Variants in RABGAP1 observed in about 807,000 individuals in gnomAD.
The protein encoded by RABGAP1 is rab GTPase-activating protein 1.
Under a neutral mutation model 137.6 loss-of-function variants are expected in RABGAP1, and 23 were observed. The ratio of observed to expected loss-of-function variants is 0.17; its 90% CI spans 0.12 to 0.24. The LOEUF is 0.24. Among genes scored for constraint, RABGAP1 ranks in the 10% least tolerant of loss-of-function variants. The pLI is 1.00. For missense variants in RABGAP1, 906 were observed against 1,275.8 expected (o/e 0.71, Z 4.42); for synonymous variants, 451 against 450.7 (o/e 1.00, Z -0.01).
chr9:122,990,957 G>A (rs898420951), intron 6 of RABGAP1, among the ~76,000 whole-genome samples: 13 of 150,180 alleles, frequency 8.7e-5, no homozygotes, highest in Admixed American at 2.0e-4. Context: ...TTCAAGTCAA[G>A]TTTTCCCAGT....
chr9:123,025,839 CTT>C (rs1386375231), intron 13 of RABGAP1, among the ~76,000 whole-genome samples: 1 of 151,908 alleles, frequency 6.6e-6, no homozygotes, highest in African/African-American at 2.4e-5. Context: ...GGTTTTACCT[CTT>C]TTACAATGTT....
intron 25 of RABGAP1, among the ~76,000 whole-genome samples, chr9:123,102,389 A>C (rs1470103089): frequency 1.3e-5 from 2 of 152,108 alleles, no homozygotes; most frequent in African/African-American, 4.8e-5. Context: ...TTCAGGATAA[A>C]AGCTTTAGGG....
At chr9:123,099,981 GTTTATT>G (rs748653992) in intron 24 of RABGAP1, among the ~76,000 whole-genome samples, 1 of 152,110 alleles carries the variant, frequency 6.6e-6, no homozygotes, top group Non-Finnish European at 1.5e-5. Flanking sequence ...GAGGACCTTA[GTTTATT>G]TTTATTTTTT....
intron 5 of RABGAP1, 47 bp downstream of exon 5, chr9:122,989,518 C>T: frequency 1.3e-6 from 2 of 1,547,056 alleles, no homozygotes; most frequent in Middle Eastern, 1.7e-4. Flanking sequence ...TTCACCAGTG[C>T]CCTCACTAGG....
At chr9:122,983,738 C>T (rs1203137007) in intron 2 of RABGAP1, among the ~76,000 whole-genome samples, 5 of 152,134 alleles carry the variant, frequency 3.3e-5, no homozygotes, top group Non-Finnish European at 5.9e-5. Context: ...TTTAGTATTT[C>T]TTAAGCATTT....
chr9:122,999,677 G>A (rs1287367994), intron 10 of RABGAP1, among the ~76,000 whole-genome samples: 1 of 150,868 alleles, frequency 6.6e-6, no homozygotes, highest in Non-Finnish European at 1.5e-5. Flanking sequence ...TGGGGTTCTT[G>A]CGTTTTTAAA....
At chr9:122,952,727 C>G (rs897543213) in intron 1 of RABGAP1, among the ~76,000 whole-genome samples, 4 of 152,122 alleles carry the variant, frequency 2.6e-5, no homozygotes, top group African/African-American at 9.7e-5. Flanking sequence ...CAGAGCAAGA[C>G]CCTGTCTCAA....
At chr9:123,048,754 G>C (rs534201145) in intron 13 of RABGAP1, among the ~76,000 whole-genome samples, 2 of 152,128 alleles carry the variant, frequency 1.3e-5, no homozygotes, top group African/African-American at 2.4e-5. Context: ...ATGATATTTT[G>C]TGTGTTCACT....
intron 4 of RABGAP1, among the ~76,000 whole-genome samples, chr9:122,988,596 GT>G (rs1041310452): frequency 1.3e-5 from 2 of 150,756 alleles, no homozygotes; most frequent in African/African-American, 4.9e-5. Context: ...AAAAGCATCA[GT>G]TTTTTGTTTT....
intron 1 of RABGAP1, among the ~76,000 whole-genome samples, chr9:122,941,915 T>C (rs1311108223): frequency 6.6e-6 from 1 of 152,252 alleles, no homozygotes; most frequent in Non-Finnish European, 1.5e-5. Context: ...ACAAATGTCC[T>C]AGGAGACCGT....
intron 19 of RABGAP1, among the ~76,000 whole-genome samples, chr9:123,088,912 A>C (rs2034952732): frequency 6.6e-6 from 1 of 152,164 alleles, no homozygotes; most frequent in Non-Finnish European, 1.5e-5. Context: ...GAGATGTAAG[A>C]CCACTGGACA....
intron 13 of RABGAP1, among the ~76,000 whole-genome samples, chr9:123,052,391 G>A (rs921111186): frequency 3.9e-5 from 6 of 152,262 alleles, no homozygotes; most frequent in Non-Finnish European, 8.8e-5. Flanking sequence ...AAGTACAGCT[G>A]GCAATAGAAA....
In RABGAP1 at chr9:123,040,670, T is replaced by A. The variant is rs900144648; in HGVS notation, c.1794+20211T>A. 2.0e-5 allele frequency among the ~76,000 whole-genome samples: 3 copies of A among 152,194 alleles called. No homozygotes were observed. The East Asian group carries it at 5.8e-4, about 29-fold the overall frequency. On this transcript the variant is annotated intron_variant, in intron 13 of 25. Transcript: ENST00000373647. ...TAAAACATACTAGTTTTATGATTTT[T>A]TTATTATTCAAAACACATCTTTGTT...
intron 10 of RABGAP1, among the ~76,000 whole-genome samples, chr9:123,003,683 C>T (rs1169748307): frequency 2.0e-5 from 3 of 152,110 alleles, no homozygotes; most frequent in South Asian, 4.1e-4. Flanking sequence ...ATCTGTGAGA[C>T]TGTTATATTA....
chr9:123,015,504 C>G, intron 11 of RABGAP1, 39 bp from the exon 12 acceptor site: 1 of 1,320,554 alleles, frequency 7.6e-7, no homozygotes, highest in Non-Finnish European at 1.1e-6. Flanking sequence ...CTAGCATAGC[C>G]ATCTCTGTTA....
At chr9:122,946,907 C>G (rs1418106715) in intron 1 of RABGAP1, among the ~76,000 whole-genome samples, 1 of 151,984 alleles carries the variant, frequency 6.6e-6, no homozygotes, top group East Asian at 1.9e-4. Context: ...TATGAAGTAT[C>G]AAGATATAGT....
intron 2 of RABGAP1, among the ~76,000 whole-genome samples, chr9:122,965,934 A>G (rs1410053603): frequency 4.6e-5 from 7 of 152,146 alleles, no homozygotes; most frequent in Non-Finnish European, 8.8e-5. Flanking sequence ...ATGTGAGTAA[A>G]TTAGATATAG....
At chr9:122,993,059 ATAATAT>A (rs1405930434) in intron 6 of RABGAP1, among the ~76,000 whole-genome samples, 3 of 151,888 alleles carry the variant, frequency 2.0e-5, no homozygotes, top group Non-Finnish European at 2.9e-5. Context: ...CATACTGTGT[ATAATAT>A]TAATAGCAAA....
At chr9:123,002,368 A>AT (rs1554797080) in intron 10 of RABGAP1, among the ~76,000 whole-genome samples, 65,255 of 108,380 alleles carry the variant, frequency 0.6, 17,269 homozygotes, top group Middle Eastern at 0.71. Flanking sequence ...ATATATATAT[A>AT]TTTTTTTTTT....
Sources: gnomAD v4.1 joint callset for allele counts (sites outside exome capture counted in the v4.1 genomes callset) on GRCh38, gnomAD v4.1.1 for gene constraint, MANE v1.5 for transcripts, NCBI Gene and HGNC (gene_info 2026-07-23, HGNC 2026-07-21) for gene names.